ANKS1B: variants seen among roughly 807,000 people sequenced by gnomAD.
ANKS1B encodes the protein ankyrin repeat and sterile alpha motif domain-containing protein 1B.
ANKS1B carries 36 observed loss-of-function variants against 148.3 expected under a neutral mutation model. That is an observed-to-expected ratio of 0.24 (90% CI 0.19 to 0.32). The LOEUF (loss-of-function observed/expected upper bound fraction) is 0.32. Ranked by LOEUF, ANKS1B falls within the 10% of genes least tolerant of loss-of-function variation. ANKS1B has a pLI of 1.00. For synonymous variants in ANKS1B, 542 were observed against 560.8 expected, an observed-to-expected ratio of 0.97 and a Z score of 0.47; for missense variants, 1,157 against 1,542.6, an observed-to-expected ratio of 0.75 and a Z score of 4.19.
At chr12:99,897,307 T>A (rs1361980383) in intron 1 of ANKS1B, among the ~76,000 whole-genome samples, 1 of 151,286 alleles carries the variant, frequency 6.6e-6, no homozygotes, top group South Asian at 2.1e-4. Flanking sequence ...AATGGAAGCA[T>A]CTAACTGAAA....
intron 17 of ANKS1B, among the ~76,000 whole-genome samples, chr12:98,913,791 C>A (rs1008174951): frequency 2.6e-5 from 4 of 152,130 alleles, no homozygotes; most frequent in Non-Finnish European, 5.9e-5. Flanking sequence ...CTACCACACC[C>A]ATCTAATTTT....
intron 17 of ANKS1B, among the ~76,000 whole-genome samples, chr12:99,002,750 A>G (rs1051459665): frequency 1.3e-5 from 2 of 152,054 alleles, no homozygotes; most frequent in African/African-American, 4.8e-5. Flanking sequence ...CCCCTTCTCC[A>G]TTACATAGTT....
intron 17 of ANKS1B, among the ~76,000 whole-genome samples, chr12:98,905,233 A>G (rs984887697): frequency 6.6e-6 from 1 of 152,202 alleles, no homozygotes; most frequent in East Asian, 1.9e-4. Context: ...GTATTTTCCC[A>G]TGACACTGCA....
intron 8 of ANKS1B, among the ~76,000 whole-genome samples, chr12:99,670,215 T>C (rs1393873280): frequency 2.0e-5 from 3 of 152,170 alleles, no homozygotes; most frequent in Non-Finnish European, 4.4e-5. Context: ...CCCTCAAACA[T>C]ATTAATATTC....
At chr12:99,531,819 A>T (rs971998059) in intron 9 of ANKS1B, among the ~76,000 whole-genome samples, 2 of 152,210 alleles carry the variant, frequency 1.3e-5, no homozygotes, top group Non-Finnish European at 2.9e-5. Context: ...CATTCCCACC[A>T]ACAGTTTATA....
In ANKS1B at chr12:98,750,523, G is replaced by A. The variant is rs528753412; in HGVS notation, c.3747+832C>T. Among the ~76,000 whole-genome samples, 10 of 152,296 alleles carry A rather than the reference G, an allele frequency of 6.6e-5. No homozygotes were observed. In the South Asian group the frequency reaches 2.1e-3, roughly 32 times the overall value. On this transcript the variant is annotated intron_variant, in intron 26 of 26. Coordinates refer to ENST00000683438, the MANE Select transcript of ANKS1B (RefSeq NM_001352186.2). Reference sequence around the variant, plus strand: ...TGCTGTTCCCCATGACAGTGGAGGTGGGGGCTGGTGAGAAGGAGGAGAGAC... The same window carrying A: ...TGCTGTTCCCCATGACAGTGGAGGTAGGGGCTGGTGAGAAGGAGGAGAGAC...
intron 8 of ANKS1B, among the ~76,000 whole-genome samples, chr12:99,679,877 G>A (rs1306521508): frequency 6.6e-6 from 1 of 152,196 alleles, no homozygotes; most frequent in African/African-American, 2.4e-5. Context: ...AGAACAGCAT[G>A]TGGAGACTCA....
rs2095752263 is a variant in ANKS1B at position 99,984,505 on chromosome 12, T to G, written c.-268A>C. ...CGACGCGCCCCCACAGCCACTCCCC[T>G]GAATTCCCAAGGCCTCGTTCCCGCG... is the stretch of plus-strand genomic sequence containing the variant. On this transcript the variant is annotated 5_prime_UTR_variant, in exon 1 of 27. Coordinates refer to ENST00000683438, the MANE Select transcript of ANKS1B (RefSeq NM_001352186.2). 1 of 386,000 alleles carries G rather than the reference T, an allele frequency of 2.6e-6. No individual in the cohort carries two copies. The highest frequency in any genetic ancestry group is 5.9e-5 in the South Asian group (1 of 17,018). The allele number at this position is 386,000 out of a possible 1,614,324, so 23.9% of individuals were successfully genotyped here.
rs542783152 is a variant in ANKS1B at position 99,021,831 on chromosome 12, T to C, written c.2778+31326A>G. Among the ~76,000 whole-genome samples the C allele has an allele frequency of 2.6e-5, 4 of 152,332 alleles. No individual in the cohort carries two copies. In the East Asian group the frequency reaches 7.7e-4, roughly 29 times the overall value. ...CATTCTAACTTGGTGTTATCAACCA[T>C]TTACATTTTTCATAAGCTAAATAGT... is the stretch of plus-strand genomic sequence containing the variant. On this transcript the variant is annotated intron_variant, in intron 17 of 26. Coordinates refer to ENST00000683438, the MANE Select transcript of ANKS1B (RefSeq NM_001352186.2).
At chr12:99,004,239 C>T (rs869032) in intron 17 of ANKS1B, among the ~76,000 whole-genome samples, 46,646 of 152,020 alleles carry the variant, frequency 0.31, 8,210 homozygotes, top group African/African-American at 0.48. Context: ...GTTTCAGCCA[C>T]TGTACATAGG....
In ANKS1B at chr12:99,017,415, C is replaced by T. The variant is rs145383702; in HGVS notation, c.2778+35742G>A. Among the ~76,000 whole-genome samples the T allele has an allele frequency of 7.9e-5, 12 of 152,124 alleles. No homozygotes were observed. The East Asian group carries it at 2.1e-3, about 27-fold the overall frequency. On this transcript the variant is annotated intron_variant, in intron 17 of 26. Coordinates refer to ENST00000683438, the MANE Select transcript of ANKS1B (RefSeq NM_001352186.2). ...CCTTACAGATCAGGAATCATGTGAC[C>T]AGAGGTCACAAGATTTGTGACCTTC...
At chr12:99,964,184 C>T (rs182618618) in intron 1 of ANKS1B, among the ~76,000 whole-genome samples, 1 of 152,176 alleles carries the variant, frequency 6.6e-6, no homozygotes, top group African/African-American at 2.4e-5. Context: ...ATCATCATCT[C>T]TCCTCCAAAG....
At chr12:99,180,157 T>C (rs1221860220) in intron 14 of ANKS1B, among the ~76,000 whole-genome samples, 2 of 152,226 alleles carry the variant, frequency 1.3e-5, no homozygotes, top group East Asian at 3.8e-4. Context: ...GGTCCTTTCA[T>C]CTCCTCAGCA....
At chr12:99,059,099 T>C (rs929910082) in intron 16 of ANKS1B, among the ~76,000 whole-genome samples, 2 of 152,232 alleles carry the variant, frequency 1.3e-5, no homozygotes, top group South Asian at 2.1e-4. Context: ...CTTTCTCTAA[T>C]GTTACCATTA....
At chr12:99,464,188 G>C (rs943754227) in intron 10 of ANKS1B, among the ~76,000 whole-genome samples, 7 of 152,124 alleles carry the variant, frequency 4.6e-5, no homozygotes, top group African/African-American at 9.7e-5. Context: ...ACAGGGTCTG[G>C]AGTGGACCTC....
At chr12:99,387,119 G>A (rs1178768827) in intron 12 of ANKS1B, among the ~76,000 whole-genome samples, 3 of 152,024 alleles carry the variant, frequency 2.0e-5, no homozygotes, top group Non-Finnish European at 4.4e-5. Context: ...TGTGAAGAAC[G>A]CTAGGGGGAG....
chr12:99,594,326 C>T (rs1385776203), intron 9 of ANKS1B, among the ~76,000 whole-genome samples: 1 of 152,014 alleles, frequency 6.6e-6, no homozygotes, highest in Non-Finnish European at 1.5e-5. Context: ...AAAAATAGAA[C>T]CACCATATAA....
chr12:99,223,809 A>T (rs571016342), intron 14 of ANKS1B, among the ~76,000 whole-genome samples: 196 of 152,348 alleles, frequency 1.3e-3, no homozygotes, highest in African/African-American at 4.3e-3. Context: ...GCTGTTAGTA[A>T]TCATTTTAAA....
chr12:98,740,223 TCTC>T (rs572582829), downstream of ANKS1B, among the ~76,000 whole-genome samples: 4 of 152,270 alleles, frequency 2.6e-5, no homozygotes, highest in South Asian at 8.3e-4. Flanking sequence ...AATGGGTTAA[TCTC>T]CTCAAGGATT....
Sources: allele counts gnomAD v4.1 joint callset (sites outside exome capture counted in the v4.1 genomes callset), GRCh38; gene constraint gnomAD v4.1.1; transcripts MANE v1.5; gene names NCBI Gene and HGNC (gene_info 2026-07-23, HGNC 2026-07-21).